Variants in ZNF735 observed in about 807,000 individuals in gnomAD.
ZNF735 encodes the protein zinc finger protein 735.
Under a neutral mutation model 13.4 loss-of-function variants are expected in ZNF735, and 11 were observed. The observed-to-expected ratio is 0.82, with a 90% CI of 0.52 to 1.36. The LOEUF is 1.36. Ranked by LOEUF, ZNF735 falls within the 40% of genes most tolerant of loss-of-function variation. The pLI is 0.00. For missense variants in ZNF735, 500 were observed against 484.6 expected (o/e 1.03, Z -0.30); for synonymous variants, 171 against 162.6 (o/e 1.05, Z -0.39).
chr7:64,218,062 T>G (rs1280635733), intron 3 of ZNF735, among the ~76,000 whole-genome samples: 2 of 152,020 alleles, frequency 1.3e-5, no homozygotes, highest in Non-Finnish European at 2.9e-5. Flanking sequence ...TTTCATTATA[T>G]TATTTGAAGT....
chr7:64,219,838 C>T, exon 4 of ZNF735: 5 of 1,613,620 alleles, frequency 3.1e-6, no homozygotes, highest in Non-Finnish European at 4.2e-6. Flanking sequence ...TAAGAGAATT[C>T]ACACTGGAGA....
At chr7:64,218,620 A>G (rs1280328828) in intron 3 of ZNF735, among the ~76,000 whole-genome samples, 1 of 152,008 alleles carries the variant, frequency 6.6e-6, no homozygotes, top group Non-Finnish European at 1.5e-5. Context: ...TAATATATAC[A>G]TCTTTATTTT....
chr7:64,207,263 G>C (rs1787299442), intron 1 of ZNF735, 22 bp downstream of exon 1: 2 of 1,614,138 alleles, frequency 1.2e-6, no homozygotes, highest in Non-Finnish European at 1.7e-6. Flanking sequence ...GTCTGTCATC[G>C]TGAGAGAGGG....
At chr7:64,207,325 C>G in intron 1 of ZNF735, 84 bp downstream of exon 1, 4 of 1,612,958 alleles carry the variant, frequency 2.5e-6, no homozygotes, top group Non-Finnish European at 3.4e-6. Context: ...ACCCATACTT[C>G]CTCGCAGTCA....
chr7:64,211,860 C>T (rs1264755711), intron 1 of ZNF735, among the ~76,000 whole-genome samples: 2 of 136,108 alleles, frequency 1.5e-5, no homozygotes, highest in African/African-American at 5.5e-5. Flanking sequence ...AGCAAGACTC[C>T]ATCTCAAAAA....
At chr7:64,213,134 G>A (rs1195093791) in exon 2 of ZNF735, 1 of 1,612,980 alleles carries the variant, frequency 6.2e-7, no homozygotes, top group African/African-American at 1.3e-5. Flanking sequence ...ATTCTCTCTG[G>A]CGGAGTGGCA....
At chr7:64,219,697 G>C in exon 4 of ZNF735, 2 of 1,589,876 alleles carry the variant, frequency 1.3e-6, no homozygotes, top group Non-Finnish European at 1.7e-6. Flanking sequence ...CTACAAATGT[G>C]AAGAATGTGG....
exon 4 of ZNF735, chr7:64,219,872 G>A: frequency 6.2e-7 from 1 of 1,613,876 alleles, no homozygotes; most frequent in Non-Finnish European, 8.5e-7. Flanking sequence ...TGTGAAGAAT[G>A]TGGCCAAGCC....
At chr7:64,219,788 G>A (rs1251564382) in exon 4 of ZNF735, 1 of 1,612,372 alleles carries the variant, frequency 6.2e-7, no homozygotes, top group Admixed American at 1.7e-5. Flanking sequence ...TGTGAGGAAT[G>A]TGGCAAAGCC....
chr7:64,218,240 A>G (rs1218242824), intron 3 of ZNF735, among the ~76,000 whole-genome samples: 1 of 147,022 alleles, frequency 6.8e-6, no homozygotes, highest in Non-Finnish European at 1.5e-5. Flanking sequence ...ACCATTTTAC[A>G]CAGTTCTTTT....
chr7:64,209,367 G>C (rs1262258053), intron 1 of ZNF735, among the ~76,000 whole-genome samples: 1 of 114,366 alleles, frequency 8.7e-6, no homozygotes, highest in African/African-American at 3.4e-5. Flanking sequence ...TTTTTTTTTT[G>C]AGACGGAGCT....
At chr7:64,217,308 G>A (rs1787433757) in intron 3 of ZNF735, among the ~76,000 whole-genome samples, 1 of 152,128 alleles carries the variant, frequency 6.6e-6, no homozygotes, top group Non-Finnish European at 1.5e-5. Flanking sequence ...ATCCTCACCA[G>A]AAACAGATGC....
intron 1 of ZNF735, among the ~76,000 whole-genome samples, chr7:64,212,453 A>T (rs1292917964): frequency 3.3e-5 from 5 of 152,214 alleles, no homozygotes; most frequent in Non-Finnish European, 5.9e-5. Context: ...TTTATCTGAG[A>T]AATATACACA....
rs1278087533 is a variant in ZNF735, at chr7:64,207,340, C to T, written c.39+99C>T. ...ACCCATACTTCCTCGCAGTCAGCTCCGGAGTCTGAGGACCCAAATCCTCCT... is the reference window on the plus strand; with the variant it reads ...ACCCATACTTCCTCGCAGTCAGCTCTGGAGTCTGAGGACCCAAATCCTCCT... On this transcript the variant is annotated intron_variant, in intron 1 of 3. Transcript: ENST00000429565. 6.2e-6 allele frequency: 10 copies of T among 1,609,794 alleles called. No homozygotes were observed. In the South Asian group the frequency reaches 6.6e-5, roughly 11 times the overall value.
At chr7:64,215,998 A>C (rs1026022732) in intron 3 of ZNF735, among the ~76,000 whole-genome samples, 7 of 152,166 alleles carry the variant, frequency 4.6e-5, no homozygotes, top group African/African-American at 1.7e-4. Flanking sequence ...GTTCATAATA[A>C]AATTTAAAAA....
chr7:64,213,426 T>C (rs1787383742), intron 2 of ZNF735, among the ~76,000 whole-genome samples: 1 of 152,194 alleles, frequency 6.6e-6, no homozygotes, highest in Middle Eastern at 3.2e-3. Flanking sequence ...TCTTTTGCTC[T>C]AGGTTAGTGG....
chr7:64,217,896 C>T (rs1405552995), intron 3 of ZNF735, among the ~76,000 whole-genome samples: 1 of 151,896 alleles, frequency 6.6e-6, no homozygotes, highest in African/African-American at 2.4e-5. Flanking sequence ...CTAATTGTAT[C>T]TTTTTATGTT....
At chr7:64,213,447 A>G (rs755621208) in intron 2 of ZNF735, among the ~76,000 whole-genome samples, 19 of 152,172 alleles carry the variant, frequency 1.2e-4, no homozygotes, top group Non-Finnish European at 2.5e-4. Flanking sequence ...CAATTCCAAA[A>G]ATGTCATGGC....
intron 1 of ZNF735, among the ~76,000 whole-genome samples, chr7:64,210,056 C>T (rs564870753): frequency 2.8e-4 from 43 of 152,252 alleles, no homozygotes; most frequent in Middle Eastern, 3.4e-3. Context: ...ATGCTGTGCT[C>T]TTAATCCAAA....
Sources: allele counts gnomAD v4.1 joint callset (sites outside exome capture counted in the v4.1 genomes callset), GRCh38; gene constraint gnomAD v4.1.1; transcripts MANE v1.5; gene names NCBI Gene and HGNC (gene_info 2026-07-23, HGNC 2026-07-21).